ABI3BP: variants seen among roughly 807,000 people sequenced by gnomAD.
The protein encoded by ABI3BP is ABI family member 3 binding protein.
A neutral mutation model predicts 268.6 loss-of-function variants in ABI3BP; 216 were observed. The ratio of observed to expected loss-of-function variants is 0.80; its 90% CI spans 0.72 to 0.90. The LOEUF (loss-of-function observed/expected upper bound fraction) is 0.90, where lower values mean the gene tolerates loss of function less well. Among genes scored for constraint, ABI3BP ranks in the 40% least tolerant of loss-of-function variants. The pLI is 0.00. For synonymous variants in ABI3BP, 730 were observed against 730.0 expected (o/e 1.00, Z 0.00); for missense variants, 2,090 against 2,182.4 (o/e 0.96, Z 0.84).
intron 2 of ABI3BP, among the ~76,000 whole-genome samples, chr3:100,906,632 A>C (rs2053569104): frequency 6.6e-6 from 1 of 152,262 alleles, no homozygotes; most frequent in African/African-American, 2.4e-5. Flanking sequence ...TTACCTTAAC[A>C]AAGTTTCCAT....
intron 43 of ABI3BP, 89 bp from the exon 44 acceptor site, chr3:100,816,060 A>G (rs2098031946): frequency 9.9e-7 from 1 of 1,005,030 alleles, no homozygotes; most frequent in Non-Finnish European, 1.4e-6. Flanking sequence ...TGAGTTTCAA[A>G]TGATACACAA....
chr3:100,808,024 T>G (rs2097761610), intron 50 of ABI3BP, 137 bp downstream of exon 50: 2 of 737,400 alleles, frequency 2.7e-6, no homozygotes, highest in South Asian at 1.7e-5. Context: ...ATTTAAATAT[T>G]TATTAGGTTA....
At chr3:100,799,064 T>C (rs542143000) in intron 51 of ABI3BP, among the ~76,000 whole-genome samples, 1 of 152,266 alleles carries the variant, frequency 6.6e-6, no homozygotes, top group South Asian at 2.1e-4. Context: ...CATGTTTTCA[T>C]TTCTCCATGT....
chr3:100,752,744 C>T (rs374995366), intron 66 of ABI3BP, 43 bp downstream of exon 66: 9 of 1,594,688 alleles, frequency 5.6e-6, no homozygotes, highest in Non-Finnish European at 7.7e-6. Flanking sequence ...CAAAACATTC[C>T]CATAAGTTAA....
At chr3:100,813,762 G>A (rs1161968224) in intron 44 of ABI3BP, 27 bp from the exon 45 acceptor site, 1 of 1,515,546 alleles carries the variant, frequency 6.6e-7, no homozygotes, top group Admixed American at 2.0e-5. Flanking sequence ...TCAATTGTAA[G>A]AGTAATTTTC....
At chr3:100,758,252 G>T (rs530728468) in intron 63 of ABI3BP, among the ~76,000 whole-genome samples, 1 of 152,254 alleles carries the variant, frequency 6.6e-6, no homozygotes, top group African/African-American at 2.4e-5. Flanking sequence ...CTGAGCTTCA[G>T]TTTACTCTTA....
At chr3:100,936,037 G>T (rs1389807366) in intron 1 of ABI3BP, among the ~76,000 whole-genome samples, 1 of 152,166 alleles carries the variant, frequency 6.6e-6, no homozygotes, top group Non-Finnish European at 1.5e-5. Context: ...GGGAGAGAGG[G>T]CATCCTTGTC....
At chr3:100,872,323 C>A (rs1159544836) in intron 9 of ABI3BP, among the ~76,000 whole-genome samples, 1 of 152,106 alleles carries the variant, frequency 6.6e-6, no homozygotes, top group African/African-American at 2.4e-5. Context: ...AAAAACGAAT[C>A]ACAAGACAAA....
intron 63 of ABI3BP, among the ~76,000 whole-genome samples, chr3:100,755,160 T>C (rs914749297): frequency 6.6e-6 from 1 of 152,220 alleles, no homozygotes; most frequent in Non-Finnish European, 1.5e-5. Flanking sequence ...GAACTACTTA[T>C]GTCAGAATCA....
intron 1 of ABI3BP, among the ~76,000 whole-genome samples, chr3:100,939,478 G>A (rs148730159): frequency 0.14 from 21,748 of 151,940 alleles, 1,644 homozygotes; most frequent in Middle Eastern, 0.2. Flanking sequence ...TTTAAAGCTG[G>A]GCATCCGGGG....
intron 56 of ABI3BP, among the ~76,000 whole-genome samples, chr3:100,789,219 T>A (rs1297718439): frequency 6.6e-6 from 1 of 152,102 alleles, no homozygotes; most frequent in African/African-American, 2.4e-5. Flanking sequence ...TAAATACTTT[T>A]AAATCAATAA....
At chr3:100,841,384 T>C (rs991557128) in intron 21 of ABI3BP, among the ~76,000 whole-genome samples, 6 of 151,970 alleles carry the variant, frequency 3.9e-5, no homozygotes, top group African/African-American at 1.2e-4. Flanking sequence ...AACATAAATA[T>C]ATCCTATGAA....
intron 63 of ABI3BP, among the ~76,000 whole-genome samples, chr3:100,765,499 G>A (rs1246315840): frequency 6.6e-6 from 1 of 151,996 alleles, no homozygotes; most frequent in Non-Finnish European, 1.5e-5. Flanking sequence ...TAATTTTTTG[G>A]TGCTTCCCAT....
intron 1 of ABI3BP, among the ~76,000 whole-genome samples, chr3:100,971,699 A>G (rs1040190799): frequency 2.0e-5 from 3 of 152,142 alleles, no homozygotes; most frequent in Admixed American, 1.3e-4. Flanking sequence ...ATATCCTACA[A>G]TTGAAATCAA....
chr3:100,972,985 T>C (rs2084380002), intron 1 of ABI3BP, among the ~76,000 whole-genome samples: 1 of 152,194 alleles, frequency 6.6e-6, no homozygotes, highest in South Asian at 2.1e-4. Flanking sequence ...TTGTTTCAGC[T>C]CTCAGACTGT....
chr3:100,812,633 A>G, intron 45 of ABI3BP, 110 bp from the exon 46 acceptor site: 1 of 577,042 alleles, frequency 1.7e-6, no homozygotes, highest in Admixed American at 4.3e-5. Flanking sequence ...GGGTAACAAC[A>G]TTATTAACAC....
chr3:100,757,506 C>T (rs1347516406), intron 63 of ABI3BP, among the ~76,000 whole-genome samples: 1 of 152,124 alleles, frequency 6.6e-6, no homozygotes, highest in African/African-American at 2.4e-5. Flanking sequence ...TCATTATATC[C>T]TAATATGTCC....
intron 42 of ABI3BP, 74 bp from the exon 43 acceptor site, chr3:100,816,842 T>C (rs948850874): frequency 3.9e-6 from 4 of 1,029,036 alleles, no homozygotes; most frequent in African/African-American, 1.6e-5. Flanking sequence ...TAAAGGTATG[T>C]CATATTTCCT....
chr3:100,883,310 A>T (rs1358973970), intron 6 of ABI3BP, among the ~76,000 whole-genome samples: 1 of 152,172 alleles, frequency 6.6e-6, no homozygotes, highest in East Asian at 1.9e-4. Flanking sequence ...TAATTTGGTT[A>T]AGGAAATTTC....
Sources: allele counts gnomAD v4.1 joint callset (sites outside exome capture counted in the v4.1 genomes callset), GRCh38; gene constraint gnomAD v4.1.1; transcripts MANE v1.5; gene names NCBI Gene and HGNC (gene_info 2026-07-23, HGNC 2026-07-21).